DGKZ: variants seen among roughly 807,000 people sequenced by gnomAD.
The protein encoded by DGKZ is DAG kinase zeta.
Under a neutral mutation model 142.5 loss-of-function variants are expected in DGKZ, and 45 were observed. That is an observed-to-expected ratio of 0.32 (90% CI 0.25 to 0.40). DGKZ has a LOEUF of 0.40. DGKZ is among the 10% of genes least tolerant of loss of function. The pLI, the probability that DGKZ is intolerant of heterozygous loss-of-function variation, is 1.00. For synonymous variants in DGKZ, 442 were observed against 527.0 expected, an observed-to-expected ratio of 0.84 and a Z score of 2.21; for missense variants, 755 against 1,306.5, an observed-to-expected ratio of 0.58 and a Z score of 6.51.
intron 1 of DGKZ, among the ~76,000 whole-genome samples, chr11:46,337,668 A>G (rs2136376455): frequency 6.6e-6 from 1 of 152,160 alleles, no homozygotes; most frequent in Non-Finnish European, 1.5e-5. Flanking sequence ...GGACGCCTCC[A>G]TGCTAAAAAC....
At chr11:46,358,190 A>T (rs1942255638) in intron 1 of DGKZ, among the ~76,000 whole-genome samples, 1 of 152,162 alleles carries the variant, frequency 6.6e-6, no homozygotes, top group South Asian at 2.1e-4. Context: ...CTCAACGCGA[A>T]TCTAGGCAGG....
chr11:46,378,321 A>G (rs1944794960), intron 26 of DGKZ, 92 bp downstream of exon 26: 1 of 1,544,790 alleles, frequency 6.5e-7, no homozygotes, highest in Non-Finnish European at 8.7e-7. Flanking sequence ...ACAGCCTTAC[A>G]CAAACACAGC....
chr11:46,344,499 GC>G (rs1301754262), upstream of DGKZ, among the ~76,000 whole-genome samples: 9 of 149,286 alleles, frequency 6.0e-5, no homozygotes, highest in Admixed American at 6.0e-4. Context: ...TGTCACCCAG[GC>G]TGGAGTGCAG....
In DGKZ at chr11:46,369,937, C is replaced by T. The variant is rs779341726; in HGVS notation, c.502-4C>T. On this transcript the variant is annotated splice_polypyrimidine_tract_variant and splice_region_variant and intron_variant, in intron 5 of 30. Coordinates refer to ENST00000527911, the Ensembl canonical transcript of DGKZ. ...CCAGTGAAATTTTTCCCCTTCTCCC[C>T]CAGCCAACCTTTGTACGGCACCACT... 3 of 1,613,980 alleles carry T rather than the reference C, an allele frequency of 1.9e-6. No individual in the cohort carries two copies. The Admixed American group carries it at 5.0e-5, about 27-fold the overall frequency.
intron 1 of DGKZ, chr11:46,365,375 A>T (rs1943132497): frequency 1.0e-6 from 1 of 985,426 alleles, no homozygotes; most frequent in Non-Finnish European, 1.2e-6. Context: ...CAGAAAGGTG[A>T]GACAGAGCAG....
Position 46,367,452 on chromosome 11 carries a change from C to G in DGKZ, c.270+53C>G. 3 of 1,574,298 alleles carry G rather than the reference C, an allele frequency of 1.9e-6. No individual in the cohort carries two copies. The highest frequency in any genetic ancestry group is 2.6e-6 in the Non-Finnish European group (3 of 1,150,836). ...AGACCCTCTGGGCTCTTGGCCAAGG[C>G]GCAGCTGGCGGGTGGAGGCACTAAA... On this transcript the variant is annotated intron_variant, in intron 2 of 30. Coordinates refer to ENST00000527911, the Ensembl canonical transcript of DGKZ. The surrounding 1 kb of genome is among the most constrained non-coding windows in gnomAD (Gnocchi z 4.1).
intron 25 of DGKZ, chr11:46,377,482 C>T (rs922589368): frequency 1.4e-5 from 7 of 506,240 alleles, no homozygotes; most frequent in Non-Finnish European, 2.3e-5. Flanking sequence ...CCTGAGCACT[C>T]CTCCCCACCC....
At chr11:46,373,588 C>T (rs1042177491) in intron 14 of DGKZ, among the ~76,000 whole-genome samples, 1 of 151,548 alleles carries the variant, frequency 6.6e-6, no homozygotes, top group Admixed American at 6.6e-5. Flanking sequence ...ACCTCTGCCT[C>T]CCGGGCTCAA....
chr11:46,347,734 C>G lies in DGKZ; in HGVS notation c.75C>G (p.Ser25=). 1 of 1,454,356 alleles carries G rather than the reference C, an allele frequency of 6.9e-7. No individual in the cohort carries two copies. Among genetic ancestry groups the G allele is most frequent in the Non-Finnish European group, 9.0e-7 (1 of 1,107,734 alleles). 90.1% of individuals were successfully genotyped at this position (1,454,356 alleles called of 1,614,324 possible). A position where few individuals can be genotyped will look rare whatever the true frequency, so the allele number is the denominator to read the frequency against. Residue 25 remains serine (S), a synonymous_variant, in exon 1 of 31, where the codon TCC becomes TCG. Coordinates refer to ENST00000527911, the Ensembl canonical transcript of DGKZ. The surrounding 1 kb of genome is among the most constrained non-coding windows in gnomAD (Gnocchi z 6.4). ...CGGCTTCCGCCTCGTCCAGCGGCTC[C>G]GAGCGCGACGCCGGTCCCGAGCCGG...
intron 1 of DGKZ, among the ~76,000 whole-genome samples, chr11:46,361,135 C>T (rs953567559): frequency 6.2e-4 from 95 of 152,238 alleles, no homozygotes; most frequent in Non-Finnish European, 8.1e-4. Context: ...TTGTGAAACA[C>T]TCCACAGATA....
chr11:46,359,689 C>T (rs1361420896), intron 1 of DGKZ, among the ~76,000 whole-genome samples: 4 of 151,760 alleles, frequency 2.6e-5, no homozygotes, highest in Non-Finnish European at 4.4e-5. Context: ...CTGCAGCCTC[C>T]GCTTCCCAGG....
At chr11:46,352,057 T>TG (rs534055537) in intron 1 of DGKZ, among the ~76,000 whole-genome samples, 4 of 152,118 alleles carry the variant, frequency 2.6e-5, no homozygotes, top group Non-Finnish European at 4.4e-5. Flanking sequence ...GCAGCTGGGC[T>TG]GGGGGAGAGT....
intron 4 of DGKZ, chr11:46,368,518 A>G (rs73466006): frequency 0.012 from 4,128 of 342,318 alleles, 132 homozygotes; most frequent in African/African-American, 0.069. Flanking sequence ...GTGCTTCTAG[A>G]GGTGGAGGCA....
chr11:46,355,289 T>A (rs1287177712), intron 1 of DGKZ, among the ~76,000 whole-genome samples: 2 of 151,604 alleles, frequency 1.3e-5, no homozygotes, highest in East Asian at 3.9e-4. Flanking sequence ...TTTGTATTTT[T>A]AGTAGAGACG....
At chr11:46,366,555 G>A (rs1333955683) in intron 1 of DGKZ, 9 of 1,602,296 alleles carry the variant, frequency 5.6e-6, no homozygotes, top group Non-Finnish European at 7.7e-6. Context: ...ACCACCGTGG[G>A]GGCCCAGCTT....
At position 46,377,056 on chromosome 11, in the gene DGKZ, C is replaced by G; in HGVS notation, c.2203-17C>G. Reference sequence around the variant, plus strand: ...CCGTCAGGTGCCCTGACCTCCCGCCCTGACCTCCCCCCACAGGAGCACCTC... The same window carrying G: ...CCGTCAGGTGCCCTGACCTCCCGCCGTGACCTCCCCCCACAGGAGCACCTC... On this transcript the variant is annotated splice_polypyrimidine_tract_variant and intron_variant, in intron 24 of 30. Transcript: ENST00000527911. 2 of 1,611,790 alleles carry G rather than the reference C, an allele frequency of 1.2e-6. No individual in the cohort carries two copies. The highest frequency in any genetic ancestry group is 8.5e-7 in the Non-Finnish European group (1 of 1,179,452).
intron 1 of DGKZ, among the ~76,000 whole-genome samples, chr11:46,333,998 C>G (rs1425262422): frequency 2.0e-5 from 3 of 152,184 alleles, no homozygotes; most frequent in Non-Finnish European, 4.4e-5. Context: ...CCCCAGCAGG[C>G]CCTGGCTGGC....
chr11:46,345,283 C>T (rs1057456414), upstream of DGKZ: 6 of 1,358,120 alleles, frequency 4.4e-6, no homozygotes, highest in Admixed American at 4.1e-5. The surrounding 1 kb of genome is among the most constrained non-coding windows in gnomAD (Gnocchi z 4.1). Flanking sequence ...CCCCAGCCAG[C>T]GGAAGGCGCC....
chr11:46,333,892 A>G (rs1939885532), intron 1 of DGKZ, among the ~76,000 whole-genome samples: 1 of 152,080 alleles, frequency 6.6e-6, no homozygotes, highest in Non-Finnish European at 1.5e-5. Context: ...TGTGCCAGGC[A>G]CAGGCTTGTG....
Sources: gnomAD v4.1 joint callset for allele counts (sites outside exome capture counted in the v4.1 genomes callset) on GRCh38, gnomAD v4.1.1 for gene constraint, Gnocchi (gnomAD v3.1) non-coding constraint, MANE v1.5 for transcripts, NCBI Gene and HGNC (gene_info 2026-07-23, HGNC 2026-07-21) for gene names.